Variants in DOCK8 observed in about 807,000 individuals in gnomAD.
The protein encoded by DOCK8 is dedicator of cytokinesis protein 8.
In DOCK8, 141 loss-of-function variants were observed where a neutral mutation model predicts 245.6. The observed-to-expected ratio is 0.57, with a 90% CI of 0.50 to 0.66. The LOEUF is 0.66. DOCK8 is among the 30% of genes least tolerant of loss of function. The probability of loss-of-function intolerance (pLI) is 0.00; values close to 1 mark genes in which losing one functional copy is unlikely to be tolerated. For missense variants in DOCK8, 2,965 were observed against 2,603.4 expected (o/e 1.14, Z -3.02); for synonymous variants, 1,168 against 970.2 (o/e 1.20, Z -3.79).
chr9:395,082 G>A (rs2054383431), intron 24 of DOCK8, among the ~76,000 whole-genome samples: 1 of 152,178 alleles, frequency 6.6e-6, no homozygotes, highest in African/African-American at 2.4e-5. Context: ...TAGGAGCATA[G>A]TGAGAGAGAG....
rs117918447 is a variant in DOCK8 at position 336,989 on chromosome 9, G to T, written c.1422+271G>T. On this transcript the variant is annotated intron_variant, in intron 12 of 47. Coordinates refer to ENST00000432829, the MANE Select transcript of DOCK8 (RefSeq NM_203447.4). ...CTTGCTGGCGGGGCCTCTCTGTAGA[G>T]TCCTGAGGTGGAGCACGGTGAGCAG... Among the ~76,000 whole-genome samples the T allele has an allele frequency of 6.7e-3, 1,016 of 152,262 alleles. 8 individuals carry two copies. The highest frequency in any genetic ancestry group is 0.012 in the Non-Finnish European group (830 of 68,030).
intron 46 of DOCK8, among the ~76,000 whole-genome samples, chr9:462,502 G>A (rs980536331): frequency 2.0e-5 from 3 of 152,176 alleles, no homozygotes; most frequent in East Asian, 1.9e-4. Context: ...ACGATATGCA[G>A]GTGGCATATC....
intron 24 of DOCK8, among the ~76,000 whole-genome samples, chr9:392,754 A>G (rs1308610557): frequency 6.6e-6 from 1 of 152,130 alleles, no homozygotes; most frequent in African/African-American, 2.4e-5. Flanking sequence ...CATGAGCTCC[A>G]TGCTCTGGCA....
At chr9:445,665 T>G (rs1248639766) in intron 43 of DOCK8, among the ~76,000 whole-genome samples, 1 of 152,208 alleles carries the variant, frequency 6.6e-6, no homozygotes, top group African/African-American at 2.4e-5. Context: ...CGTTGCTGAG[T>G]AGTATTCTGT....
chr9:463,771 A>C, intron 47 of DOCK8, 84 bp downstream of exon 47: 1 of 1,522,318 alleles, frequency 6.6e-7, no homozygotes, highest in South Asian at 1.2e-5. Flanking sequence ...GCTCTGCTGC[A>C]CTTGGGGAGC....
chr9:214,437 C>A, upstream of DOCK8: 1 of 1,494,716 alleles, frequency 6.7e-7, no homozygotes, highest in South Asian at 1.2e-5. Context: ...CTGATAGATT[C>A]CACTAACTTT....
chr9:269,581 A>G (rs1587694643), intron 1 of DOCK8, among the ~76,000 whole-genome samples: 1 of 134,766 alleles, frequency 7.4e-6, no homozygotes, highest in Admixed American at 7.8e-5. Context: ...TTTGCAACAG[A>G]GTCTTGCTCC....
At chr9:397,649 C>A (rs2054528008) in intron 25 of DOCK8, among the ~76,000 whole-genome samples, 1 of 152,022 alleles carries the variant, frequency 6.6e-6, no homozygotes, top group Non-Finnish European at 1.5e-5. Context: ...GAGATGGTAC[C>A]ACAGCACTCC....
intron 23 of DOCK8, among the ~76,000 whole-genome samples, chr9:387,282 A>C (rs1226419891): frequency 2.0e-5 from 3 of 152,064 alleles, no homozygotes; most frequent in Admixed American, 1.3e-4. Context: ...CCTCCTACTA[A>C]AGATACAAAA....
chr9:432,782 A>G (rs1211102020), intron 37 of DOCK8, among the ~76,000 whole-genome samples: 1 of 152,192 alleles, frequency 6.6e-6, no homozygotes, highest in Non-Finnish European at 1.5e-5. Flanking sequence ...AATTGTTTGT[A>G]TCTGTAGGGA....
rs528943382 is a variant in DOCK8 at position 250,820 on chromosome 9, T to C, written c.54-20807T>C. ...AACAGGACAGGAAGGAAGTCCTGGCTGTCCAGCAAAAGGTCTTTAGTGGCT... is the reference window on the plus strand; with the variant it reads ...AACAGGACAGGAAGGAAGTCCTGGCCGTCCAGCAAAAGGTCTTTAGTGGCT... On this transcript the variant is annotated intron_variant, in intron 1 of 47. Transcript: ENST00000432829. 9.2e-5 allele frequency among the ~76,000 whole-genome samples: 14 copies of C among 152,330 alleles called. No individual in the cohort carries two copies. The South Asian group carries it at 2.9e-3, about 32-fold the overall frequency.
chr9:335,478 G>C (rs552102264), intron 11 of DOCK8, among the ~76,000 whole-genome samples: 6 of 152,120 alleles, frequency 3.9e-5, no homozygotes, highest in Non-Finnish European at 5.9e-5. Flanking sequence ...TGTGATTGCT[G>C]CTGCTATTTT....
chr9:401,244 G>A (rs2055085509), intron 26 of DOCK8, among the ~76,000 whole-genome samples: 1 of 152,206 alleles, frequency 6.6e-6, no homozygotes, highest in Non-Finnish European at 1.5e-5. Flanking sequence ...CAACGAAAAG[G>A]ATAGGACCAT....
rs894963804 is a variant in DOCK8 at position 415,384 on chromosome 9, CA to C, written c.3700+443del. Reference sequence around the variant, plus strand: ...AATGAACCCAACTAATTGCTCCATGCAAAAAAAAAATCATGGCATATGTCAA... The same window carrying C: ...AATGAACCCAACTAATTGCTCCATGCAAAAAAAAATCATGGCATATGTCAA... On this transcript the variant is annotated intron_variant, in intron 29 of 47. Coordinates refer to ENST00000432829, the MANE Select transcript of DOCK8 (RefSeq NM_203447.4). Among the ~76,000 whole-genome samples the C allele has an allele frequency of 7.1e-3, 1,041 of 147,278 alleles. 17 individuals are homozygous for C. Among genetic ancestry groups the C allele is most frequent in the African/African-American group, 0.022 (891 of 40,374 alleles).
At chr9:237,186 A>G (rs1162110127) in intron 1 of DOCK8, among the ~76,000 whole-genome samples, 1 of 152,242 alleles carries the variant, frequency 6.6e-6, no homozygotes, top group Non-Finnish European at 1.5e-5. Context: ...ATAGATAAAA[A>G]CTGTGTTGTT....
At chr9:414,001 G>C (rs867375551) in intron 28 of DOCK8, among the ~76,000 whole-genome samples, 9 of 152,154 alleles carry the variant, frequency 5.9e-5, no homozygotes, top group African/African-American at 1.9e-4. Context: ...AATTAGCCAG[G>C]TGTGGTGGCA....
At chr9:325,273 A>G (rs188203650) in intron 7 of DOCK8, among the ~76,000 whole-genome samples, 84 of 152,316 alleles carry the variant, frequency 5.5e-4, no homozygotes, top group African/African-American at 1.9e-3. Context: ...TGAAACAGAT[A>G]CTATCTAGCA....
At chr9:357,414 G>C (rs545770768) in intron 14 of DOCK8, among the ~76,000 whole-genome samples, 2 of 152,172 alleles carry the variant, frequency 1.3e-5, no homozygotes, top group East Asian at 3.9e-4. Flanking sequence ...TTTAAAAGTG[G>C]TACCATAAGA....
chr9:424,329 T>G (rs2056399555), intron 33 of DOCK8, among the ~76,000 whole-genome samples: 2 of 152,156 alleles, frequency 1.3e-5, no homozygotes, highest in African/African-American at 2.4e-5. Flanking sequence ...AATCAGTATT[T>G]GGTAAAACTT....
Sources: allele counts gnomAD v4.1 joint callset (sites outside exome capture counted in the v4.1 genomes callset), GRCh38; gene constraint gnomAD v4.1.1; transcripts MANE v1.5; gene names NCBI Gene and HGNC (gene_info 2026-07-23, HGNC 2026-07-21).